The following KANTR variants were observed in gnomAD, a reference collection of about 807,000 sequenced individuals.
The protein encoded by KANTR is KDM5C adjacent transcript.
chrX:53,114,519 C>CT (rs1250295419), intron 2 of KANTR, among the ~76,000 whole-genome samples: 1 of 112,712 alleles, frequency 8.9e-6, no homozygotes, highest in Non-Finnish European at 1.9e-5. Context: ...AGGCTTGCTG[C>CT]TGGAGTCCTC....
chrX:53,137,787 C>T (rs1478999057), intron 2 of KANTR, among the ~76,000 whole-genome samples: 3 of 108,992 alleles, frequency 2.8e-5, no homozygotes, highest in African/African-American at 1.0e-4. Flanking sequence ...AAAAAAAAAT[C>T]TGTTTTTCCC....
rs139264757 is a variant in KANTR at position 53,107,302 on chromosome X, C to CTTTTTTTTTT, written c.-805+7706_-805+7715dup. Among the ~76,000 whole-genome samples the CTTTTTTTTTT allele has an allele frequency of 2.8e-3, 172 of 61,583 alleles. 2 individuals carry two copies. The highest frequency in any genetic ancestry group is 3.5e-3 in the Non-Finnish European group (130 of 37,526). The allele number at this position is 61,583 out of a possible 115,157, so 53.5% of individuals were successfully genotyped here. A position where few individuals can be genotyped will look rare whatever the true frequency, so the allele number is the denominator to read the frequency against. ...TCCTGGGCTCAAGTGATCCTCTTTGCTTTTTTTTTTTTTTTTTTTTTGTAG... is the reference window on the plus strand; with the variant it reads ...TCCTGGGCTCAAGTGATCCTCTTTGCTTTTTTTTTTTTTTTTTTTTTTTTTTTTTTTGTAG... On this transcript the variant is annotated intron_variant, in intron 2 of 2. Transcript: ENST00000604062.
chrX:53,109,945 G>T (rs1556813462), intron 2 of KANTR, among the ~76,000 whole-genome samples: 1 of 110,242 alleles, frequency 9.1e-6, no homozygotes, highest in African/African-American at 3.3e-5. Flanking sequence ...AGTAGAGATG[G>T]GGTTTCACCA....
chrX:53,131,835 C>T (rs1164703495), downstream of KANTR, among the ~76,000 whole-genome samples: 2 of 112,074 alleles, frequency 1.8e-5, no homozygotes, highest in Non-Finnish European at 3.8e-5. Flanking sequence ...AGAAGTAAAA[C>T]TGTATTTACA....
Position 53,097,361 on chromosome X carries a change from T to TTTTTTC in KANTR, c.-941-2106_-941-2105insCTTTTT, listed in dbSNP as rs1318064849. 3.8e-4 allele frequency among the ~76,000 whole-genome samples: 34 copies of TTTTTTC among 90,497 alleles called. 1 individual carries two copies. The Admixed American group carries it at 4.2e-3, about 11-fold the overall frequency. 78.6% of individuals were successfully genotyped at this position (90,497 alleles called of 115,157 possible). ...TTCATTTGTTTTAAGTTTTTTTTTT[T>TTTTTTC]TTTTTTTTTGAGACAGAATCTCACT... On this transcript the variant is annotated intron_variant, in intron 1 of 2. Transcript: ENST00000604062.
At chrX:53,106,493 C>A (rs1205922223) in intron 2 of KANTR, among the ~76,000 whole-genome samples, 3 of 109,920 alleles carry the variant, frequency 2.7e-5, no homozygotes, top group African/African-American at 1.0e-4. Flanking sequence ...GCCTTGACCT[C>A]TTAGGCTCAA....
At chrX:53,143,892 G>C (rs1354490725), downstream of KANTR, 36 of 417,494 alleles carry the variant, frequency 8.6e-5, no homozygotes, top group Non-Finnish European at 1.2e-4. Context: ...TCAATGATGA[G>C]CGCGGCGATC....
intron 2 of KANTR, among the ~76,000 whole-genome samples, chrX:53,136,731 T>TATATATATATATATATATATATATA (rs1491428007): frequency 3.4e-4 from 17 of 50,034 alleles, no homozygotes; most frequent in South Asian, 1.2e-3. Context: ...TATATATATA[T>TATATATATATATATATATATATATA]TTTGTTTGTT....
chrX:53,122,643 A>G (rs1933242679), intron 2 of KANTR, among the ~76,000 whole-genome samples: 1 of 111,743 alleles, frequency 8.9e-6, no homozygotes, highest in Non-Finnish European at 1.9e-5. Flanking sequence ...TATTTTTTTA[A>G]TAATGAAAGG....
At chrX:53,147,811 A>G (rs1430053541) in intron 3 of KANTR, among the ~76,000 whole-genome samples, 4 of 111,623 alleles carry the variant, frequency 3.6e-5, no homozygotes, top group Admixed American at 9.6e-5. Flanking sequence ...GGATTAAGAA[A>G]CTCACTCAAA....
intron 1 of KANTR, among the ~76,000 whole-genome samples, chrX:53,097,081 C>T (rs1483067449): frequency 4.5e-5 from 5 of 111,350 alleles, no homozygotes; most frequent in African/African-American, 6.5e-5. Flanking sequence ...TGCAGTGAGC[C>T]AGCCTGGGCA....
chrX:53,119,044 CTTTT>C (rs59837494), intron 2 of KANTR, among the ~76,000 whole-genome samples: 82 of 70,469 alleles, frequency 1.2e-3, no homozygotes, highest in African/African-American at 3.4e-3. Context: ...ATTTTTCTTT[CTTTT>C]TTTTTTTTTT....
At chrX:53,140,260 G>T (rs1411230728) in intron 2 of KANTR, among the ~76,000 whole-genome samples, 2 of 111,773 alleles carry the variant, frequency 1.8e-5, no homozygotes, top group African/African-American at 6.5e-5. Flanking sequence ...ACTTTGGAAG[G>T]CCGAGGCAAG....
intron 2 of KANTR, among the ~76,000 whole-genome samples, chrX:53,116,732 TTTGAG>T (rs1171888640): frequency 8.9e-6 from 1 of 111,909 alleles, no homozygotes; most frequent in Non-Finnish European, 1.9e-5. Context: ...AAATGGTTGA[TTTGAG>T]TTGGTTTGAC....
At chrX:53,111,993 G>A (rs1556813853) in intron 2 of KANTR, among the ~76,000 whole-genome samples, 1 of 110,454 alleles carries the variant, frequency 9.1e-6, no homozygotes, top group Non-Finnish European at 1.9e-5. Context: ...AATTTCAGTT[G>A]GTTTTTGGGG....
intron 2 of KANTR, among the ~76,000 whole-genome samples, chrX:53,136,499 A>G (rs1556817650): frequency 1.0e-5 from 1 of 96,211 alleles, no homozygotes; most frequent in African/African-American, 3.7e-5. Flanking sequence ...CGGCCTCCCA[A>G]AGTGCTGGGA....
chrX:53,126,120 T>A (rs1260515090), exon 3 of KANTR: 2 of 110,349 alleles, frequency 1.8e-5, no homozygotes, highest in Admixed American at 9.7e-5. Flanking sequence ...GTAGTAGTGG[T>A]AGTAGTAGTA....
downstream of KANTR, among the ~76,000 whole-genome samples, chrX:53,144,433 C>A (rs782773912): frequency 3.6e-5 from 4 of 111,615 alleles, no homozygotes; most frequent in Admixed American, 9.5e-5. Flanking sequence ...TGGTGGCTCA[C>A]GCTTGTAATC....
chrX:53,123,789 C>A (rs781897503), exon 3 of KANTR: 1 of 112,032 alleles, frequency 8.9e-6, no homozygotes, highest in Non-Finnish European at 1.9e-5. Flanking sequence ...AGTAATAGAG[C>A]ACCTTCTTGG....
Sources: allele counts gnomAD v4.1 joint callset (sites outside exome capture counted in the v4.1 genomes callset), GRCh38; gene constraint gnomAD v4.1.1; transcripts MANE v1.5; gene names NCBI Gene and HGNC (gene_info 2026-07-23, HGNC 2026-07-21).